RIMS3: variants seen among roughly 807,000 people sequenced by gnomAD.
The protein encoded by RIMS3 is regulating synaptic membrane exocytosis 3, also known as regulating synaptic membrane exocytosis protein 3.
A neutral mutation model predicts 29.2 loss-of-function variants in RIMS3; 15 were observed. That is an observed-to-expected ratio of 0.51 (90% CI 0.34 to 0.79). The LOEUF (loss-of-function observed/expected upper bound fraction) is 0.79, where lower values mean the gene tolerates loss of function less well. RIMS3 is among the 30% of genes least tolerant of loss of function. RIMS3 has a pLI of 0.01. For synonymous variants in RIMS3, 161 were observed against 170.1 expected (o/e 0.95, Z 0.41); for missense variants, 342 against 421.4 (o/e 0.81, Z 1.65).
intron 1 of RIMS3, among the ~76,000 whole-genome samples, chr1:40,655,153 G>A (rs963561357): frequency 2.0e-5 from 3 of 152,142 alleles, no homozygotes; most frequent in Admixed American, 6.5e-5. Flanking sequence ...TGGACAAAGC[G>A]GGGAGTAGGG....
At chr1:40,678,236 C>T in the RIMS3 span, among the ~76,000 whole-genome samples, 41 of 152,178 alleles carry the variant, frequency 2.7e-4, no homozygotes, top group South Asian at 1.2e-3. Context: ...GGTGAAACCC[C>T]GTCTCTACTA....
At chr1:40,632,401 A>G (rs983557920) in intron 5 of RIMS3, among the ~76,000 whole-genome samples, 23 of 140,618 alleles carry the variant, frequency 1.6e-4, no homozygotes, top group Admixed American at 1.0e-3. Flanking sequence ...TTTCCATATG[A>G]AAAAATACAT....
the RIMS3 span, among the ~76,000 whole-genome samples, chr1:40,676,476 C>A: frequency 4.9e-4 from 74 of 152,274 alleles, 1 homozygote; most frequent in East Asian, 0.01. Flanking sequence ...CAATTCGACT[C>A]CTCCTTCGAT....
At chr1:40,660,222 G>A (rs1050772015) in intron 1 of RIMS3, among the ~76,000 whole-genome samples, 1 of 152,136 alleles carries the variant, frequency 6.6e-6, no homozygotes, top group Non-Finnish European at 1.5e-5. Context: ...TGACCAGGTG[G>A]GAGGACGGCG....
chr1:40,667,332 C>T (rs1036534835), upstream of RIMS3, among the ~76,000 whole-genome samples: 18 of 151,568 alleles, frequency 1.2e-4, no homozygotes, highest in African/African-American at 4.4e-4. Context: ...TCTGGAGCAG[C>T]AAGGGGGACT....
Position 40,629,796 on chromosome 1 carries a change from G to T in RIMS3, c.473-424C>A, listed in dbSNP as rs2002620. ...TGTGTCAAAAGAACATCCGTTTGAG[G>T]CCGGGCGCAGTGGCTCACACCTGTA... On this transcript the variant is annotated intron_variant, in intron 5 of 7. Transcript: ENST00000372684. 9.3e-4 allele frequency among the ~76,000 whole-genome samples: 141 copies of T among 152,244 alleles called. 2 individuals carry two copies. Among genetic ancestry groups the T allele is most frequent in the African/African-American group, 3.2e-3 (133 of 41,550 alleles).
At chr1:40,678,272 G>C in the RIMS3 span, among the ~76,000 whole-genome samples, 1 of 152,190 alleles carries the variant, frequency 6.6e-6, no homozygotes. Flanking sequence ...GCTTGGTGTA[G>C]TGGCGCACGC....
At chr1:40,689,432 C>G in the RIMS3 span, among the ~76,000 whole-genome samples, 2 of 152,164 alleles carry the variant, frequency 1.3e-5, no homozygotes, top group East Asian at 1.9e-4. Flanking sequence ...CAGGTGCCTG[C>G]CACCACACCT....
At chr1:40,682,326 C>G in the RIMS3 span, among the ~76,000 whole-genome samples, 1 of 152,154 alleles carries the variant, frequency 6.6e-6, no homozygotes, top group Non-Finnish European at 1.5e-5. Flanking sequence ...AGCCCTGAAC[C>G]TTAAAGGACT....
intron 1 of RIMS3, among the ~76,000 whole-genome samples, chr1:40,664,676 A>G (rs1410016128): frequency 6.6e-6 from 1 of 152,056 alleles, no homozygotes; most frequent in Non-Finnish European, 1.5e-5. Context: ...AGCCTTCAGG[A>G]CCAGGACACT....
In RIMS3 at chr1:40,632,927, AG is replaced by A. The variant is rs1266777727; in HGVS notation, c.472+141del. 9.3e-6 allele frequency: 7 copies of A among 755,802 alleles called. 1 individual carries two copies. Among genetic ancestry groups the A allele is most frequent in the Non-Finnish European group, 1.7e-5 (7 of 405,968 alleles). 46.8% of individuals were successfully genotyped at this position (755,802 alleles called of 1,614,324 possible). A position where few individuals can be genotyped will look rare whatever the true frequency, so the allele number is the denominator to read the frequency against. On this transcript the variant is annotated intron_variant, in intron 5 of 7. Transcript: ENST00000372684. ...TAAATATGAGGAGACTGAGGTTCAA[AG>A]AAGGGAAGTGACTTGCTTAAGATCA...
At chr1:40,681,484 A>G in the RIMS3 span, 1 of 152,152 alleles carries the variant, frequency 6.6e-6, no homozygotes, top group South Asian at 2.1e-4. Context: ...TAGGTTCAAT[A>G]CCAGTCCTAC....
At chr1:40,662,843 G>C (rs999311784) in intron 1 of RIMS3, among the ~76,000 whole-genome samples, 2 of 152,202 alleles carry the variant, frequency 1.3e-5, no homozygotes, top group Non-Finnish European at 2.9e-5. Context: ...CTGAGACTTG[G>C]TAGTTGAGGC....
chr1:40,680,101 G>A, the RIMS3 span, among the ~76,000 whole-genome samples: 1 of 151,664 alleles, frequency 6.6e-6, no homozygotes, highest in Non-Finnish European at 1.5e-5. Flanking sequence ...TTTGAGACTC[G>A]CCTGGGCAAC....
At chr1:40,648,973 A>C (rs1183838751) in intron 1 of RIMS3, among the ~76,000 whole-genome samples, 1 of 152,214 alleles carries the variant, frequency 6.6e-6, no homozygotes, top group Non-Finnish European at 1.5e-5. Flanking sequence ...CTGCATTCAC[A>C]GAAGGGGGAA....
At chr1:40,665,744 G>C (rs1265456225), upstream of RIMS3, 2 of 152,964 alleles carry the variant, frequency 1.3e-5, no homozygotes, top group Non-Finnish European at 2.9e-5. Flanking sequence ...GGGCCGCGTG[G>C]ATGGGCGGGG....
At chr1:40,674,940 C>T in the RIMS3 span, among the ~76,000 whole-genome samples, 1 of 152,044 alleles carries the variant, frequency 6.6e-6, no homozygotes, top group Non-Finnish European at 1.5e-5. Context: ...TGGGCTGATT[C>T]GAGGCTTTAT....
chr1:40,623,249 G>C lies in RIMS3; in HGVS notation c.*3268C>G, dbSNP rs1646433541. On this transcript the variant is annotated 3_prime_UTR_variant, in exon 8 of 8. Coordinates refer to ENST00000372684, the MANE Select transcript of RIMS3 (RefSeq NM_014747.3). ...ATTGGGTGGTAGAAGAAACCAGATG[G>C]GGAGTCATTTTGGAGATGATTCTTC... 1 of 396,376 alleles carries C rather than the reference G, an allele frequency of 2.5e-6. No homozygotes were observed. The highest frequency in any genetic ancestry group is 1.4e-4 in the South Asian group (1 of 7,006). 24.6% of individuals were successfully genotyped at this position (396,376 alleles called of 1,614,324 possible). A position where few individuals can be genotyped will look rare whatever the true frequency, so the allele number is the denominator to read the frequency against.
chr1:40,668,527 T>TG (rs1391833754), upstream of RIMS3, among the ~76,000 whole-genome samples: 1 of 119,824 alleles, frequency 8.3e-6, no homozygotes, highest in Non-Finnish European at 1.8e-5. Flanking sequence ...ATCAAATGGG[T>TG]GGAATAACCA....
Sources: allele counts gnomAD v4.1 joint callset (sites outside exome capture counted in the v4.1 genomes callset), GRCh38; gene constraint gnomAD v4.1.1; transcripts MANE v1.5; gene names NCBI Gene and HGNC (gene_info 2026-07-23, HGNC 2026-07-21).